Variants in SLC44A5 observed in about 807,000 individuals in gnomAD.
The protein encoded by SLC44A5 is solute carrier family 44 member 5.
Under a neutral mutation model 101.8 loss-of-function variants are expected in SLC44A5, and 57 were observed. That is an observed-to-expected ratio of 0.56 (90% CI 0.45 to 0.70). The LOEUF (loss-of-function observed/expected upper bound fraction) is 0.70. Among genes scored for constraint, SLC44A5 ranks in the 30% least tolerant of loss-of-function variants. The pLI is 0.00. For missense variants in SLC44A5, 737 were observed against 853.1 expected, an observed-to-expected ratio of 0.86 and a Z score of 1.70; for synonymous variants, 281 against 290.9, an observed-to-expected ratio of 0.97 and a Z score of 0.35.
At position 75,341,221 on chromosome 1, in the gene SLC44A5, C is replaced by T. The variant is rs994270845; in HGVS notation, c.53-1591G>A. 2.0e-5 allele frequency among the ~76,000 whole-genome samples: 3 copies of T among 152,148 alleles called. No individual in the cohort carries two copies. In the East Asian group the frequency reaches 5.8e-4, roughly 29 times the overall value. On this transcript the variant is annotated intron_variant, in intron 3 of 23. Coordinates refer to ENST00000370859, the MANE Select transcript of SLC44A5 (RefSeq NM_001130058.2). ...ATAAGAAATATAAGCTCGAGAGGGC[C>T]GGACATGGGTGGCTCACACCTATAA...
At chr1:75,326,124 GTATAA>G (rs1656580359) in intron 4 of SLC44A5, among the ~76,000 whole-genome samples, 1 of 137,228 alleles carries the variant, frequency 7.3e-6, no homozygotes, top group South Asian at 2.2e-4. Flanking sequence ...GTGTGTGTGT[GTATAA>G]TATTTTATAT....
chr1:75,573,882 G>C (rs1379808162), intron 1 of SLC44A5, among the ~76,000 whole-genome samples: 2 of 152,116 alleles, frequency 1.3e-5, no homozygotes, highest in Admixed American at 6.5e-5. Context: ...TGGCCACACT[G>C]AGGTTCAGAA....
intron 1 of SLC44A5, among the ~76,000 whole-genome samples, chr1:75,561,244 CT>C (rs1444559890): frequency 2.6e-5 from 4 of 152,100 alleles, no homozygotes; most frequent in African/African-American, 9.7e-5. Flanking sequence ...TCCCAGTATA[CT>C]TTCAGAGCTT....
At chr1:75,691,732 C>G in the SLC44A5 span, among the ~76,000 whole-genome samples, 2 of 152,272 alleles carry the variant, frequency 1.3e-5, no homozygotes, top group African/African-American at 4.8e-5. Flanking sequence ...CAATTCAGTG[C>G]CTGATGAGGG....
intron 1 of SLC44A5, among the ~76,000 whole-genome samples, chr1:75,576,308 T>TC (rs1018008649): frequency 2.0e-5 from 3 of 151,562 alleles, no homozygotes; most frequent in Admixed American, 1.3e-4. Context: ...TTATAAATGT[T>TC]CCTTTTTTTT....
intron 3 of SLC44A5, among the ~76,000 whole-genome samples, chr1:75,376,686 C>A (rs1276602031): frequency 1.3e-5 from 2 of 151,522 alleles, no homozygotes; most frequent in African/African-American, 4.8e-5. Flanking sequence ...CTGTACATCA[C>A]CATCATCAAA....
chr1:75,485,341 T>C (rs1478957466), intron 2 of SLC44A5, among the ~76,000 whole-genome samples: 1 of 152,208 alleles, frequency 6.6e-6, no homozygotes, highest in African/African-American at 2.4e-5. Context: ...CCCTAAGTCA[T>C]CTCTTTGAAT....
chr1:75,571,091 C>T (rs1336538790), intron 1 of SLC44A5, among the ~76,000 whole-genome samples: 1 of 152,116 alleles, frequency 6.6e-6, no homozygotes, highest in Non-Finnish European at 1.5e-5. Context: ...ACCACAAGCG[C>T]TAATAATCCA....
chr1:75,504,753 T>C (rs909301651), intron 2 of SLC44A5, among the ~76,000 whole-genome samples: 3 of 152,170 alleles, frequency 2.0e-5, no homozygotes, highest in Non-Finnish European at 1.5e-5. Context: ...CATTATCTTC[T>C]TTGCCTCAGT....
At position 75,217,966 on chromosome 1, in the gene SLC44A5, C is replaced by T; in HGVS notation, c.1530-6G>A. 1 of 1,550,274 alleles carries T rather than the reference C, an allele frequency of 6.5e-7. No individual in the cohort carries two copies. The highest frequency in any genetic ancestry group is 8.9e-7 in the Non-Finnish European group (1 of 1,125,408). ...CTAGGGATCCTGTGTGATATCTGCA[C>T]AAAAATAAAATGAGAATAAGTTAAA... On this transcript the variant is annotated splice_polypyrimidine_tract_variant and splice_region_variant and intron_variant, in intron 17 of 23. Transcript: ENST00000370859.
chr1:75,458,536 G>C (rs146775423), intron 2 of SLC44A5, among the ~76,000 whole-genome samples: 42 of 152,250 alleles, frequency 2.8e-4, no homozygotes, highest in African/African-American at 9.6e-4. Flanking sequence ...TAAAGAGACT[G>C]TGATAATTTG....
chr1:75,704,818 C>T, the SLC44A5 span, among the ~76,000 whole-genome samples: 2 of 152,098 alleles, frequency 1.3e-5, no homozygotes, highest in Non-Finnish European at 2.9e-5. Context: ...TCTATTTCTT[C>T]TTACATTACA....
At chr1:75,309,091 G>A (rs1655112582) in intron 4 of SLC44A5, among the ~76,000 whole-genome samples, 1 of 152,098 alleles carries the variant, frequency 6.6e-6, no homozygotes, top group African/African-American at 2.4e-5. Flanking sequence ...TGAAAACACT[G>A]CACTGTTTAT....
the SLC44A5 span, among the ~76,000 whole-genome samples, chr1:75,652,910 C>G: frequency 6.6e-6 from 1 of 152,158 alleles, no homozygotes; most frequent in Non-Finnish European, 1.5e-5. Flanking sequence ...CCTGACTCTC[C>G]TTATATTCCC....
chr1:75,631,601 C>T, the SLC44A5 span, among the ~76,000 whole-genome samples: 1 of 133,308 alleles, frequency 7.5e-6, no homozygotes, highest in South Asian at 2.5e-4. Context: ...GGCTGGAGTG[C>T]AATGTCGCAA....
chr1:75,279,203 C>G (rs963468160), intron 5 of SLC44A5, among the ~76,000 whole-genome samples: 5 of 152,240 alleles, frequency 3.3e-5, no homozygotes, highest in Non-Finnish European at 5.9e-5. Flanking sequence ...CTCTCCCTCC[C>G]TCATTCCCTT....
At chr1:75,291,662 G>A (rs1292084804) in intron 5 of SLC44A5, among the ~76,000 whole-genome samples, 1 of 152,044 alleles carries the variant, frequency 6.6e-6, no homozygotes, top group Non-Finnish European at 1.5e-5. Context: ...GCCTGTGAGG[G>A]GTGGGAGTGT....
chr1:75,672,360 A>T, the SLC44A5 span, among the ~76,000 whole-genome samples: 6 of 152,130 alleles, frequency 3.9e-5, no homozygotes, highest in African/African-American at 1.4e-4. Context: ...GTGGAAAGCA[A>T]CAAGGGGCAA....
the SLC44A5 span, among the ~76,000 whole-genome samples, chr1:75,634,391 C>T: frequency 6.6e-6 from 1 of 152,158 alleles, no homozygotes; most frequent in African/African-American, 2.4e-5. Context: ...CTGGAGGCAT[C>T]ACGCTACCTG....
Sources: allele counts gnomAD v4.1 joint callset (sites outside exome capture counted in the v4.1 genomes callset), GRCh38; gene constraint gnomAD v4.1.1; transcripts MANE v1.5; gene names NCBI Gene and HGNC (gene_info 2026-07-23, HGNC 2026-07-21).